KLRF2: variants seen among roughly 807,000 people sequenced by gnomAD.
The protein encoded by KLRF2 is killer cell lectin-like receptor subfamily F member 2.
In KLRF2, 28 loss-of-function variants were observed where a neutral mutation model predicts 25.3. The observed-to-expected ratio is 1.11, with a 90% CI of 0.82 to 1.52. KLRF2 has a LOEUF of 1.52. Among genes scored for constraint, KLRF2 ranks in the 40% most tolerant of loss-of-function variants. The probability of loss-of-function intolerance (pLI) is 0.00; values close to 1 mark genes in which losing one functional copy is unlikely to be tolerated. For missense variants in KLRF2, 265 were observed against 245.8 expected (o/e 1.08, Z -0.52); for synonymous variants, 73 against 85.0 (o/e 0.86, Z 0.78).
Position 9,884,948 on chromosome 12 carries a change from C to A in KLRF2, c.85C>A (p.Pro29Thr). 2.4e-6 allele frequency: 3 copies of A among 1,240,020 alleles called. No individual in the cohort carries two copies. Among genetic ancestry groups the A allele is most frequent in the Non-Finnish European group, 3.2e-6 (3 of 949,828 alleles). 76.8% of individuals were successfully genotyped at this position (1,240,020 alleles called of 1,614,324 possible). Reference sequence around the variant, plus strand: ...CAACATTTCAGATTTCTCCCTATATCCACAATATTATTGTCTTCTGCTCAT... The same window carrying A: ...CAACATTTCAGATTTCTCCCTATATACACAATATTATTGTCTTCTGCTCAT... ...KQKSKDFSLYPQYYCLLLIFG... is the reference protein window; with the variant it reads ...KQKSKDFSLYTQYYCLLLIFG... Residue 29 changes from proline (P) to threonine (T), a missense_variant, in exon 2 of 6, where the codon CCA becomes ACA. Transcript: ENST00000535540.
chr12:9,883,076 G>A (rs769159797), intron 1 of KLRF2, among the ~76,000 whole-genome samples: 3 of 151,996 alleles, frequency 2.0e-5, no homozygotes, highest in Admixed American at 6.6e-5. Flanking sequence ...AAATAAATTG[G>A]GCCAGAAAAA....
intron 1 of KLRF2, among the ~76,000 whole-genome samples, chr12:9,884,207 T>C (rs1591775765): frequency 6.6e-6 from 1 of 152,100 alleles, no homozygotes; most frequent in Non-Finnish European, 1.5e-5. Flanking sequence ...GTTTAACCTC[T>C]CTAGAGATTA....
At chr12:9,892,945 G>T in intron 3 of KLRF2, 75 bp from the exon 4 acceptor site, 1 of 1,191,490 alleles carries the variant, frequency 8.4e-7, no homozygotes, top group Non-Finnish European at 1.1e-6. Flanking sequence ...TTTCCAAGTA[G>T]TCACATTTGA....
intron 5 of KLRF2, among the ~76,000 whole-genome samples, chr12:9,894,837 A>G (rs1313969887): frequency 6.6e-6 from 1 of 152,014 alleles, no homozygotes; most frequent in Non-Finnish European, 1.5e-5. Context: ...AGTAAGATTT[A>G]TTACTAATTT....
At chr12:9,894,191 CTTTT>C (rs1186634242) in intron 5 of KLRF2, among the ~76,000 whole-genome samples, 3 of 113,918 alleles carry the variant, frequency 2.6e-5, no homozygotes, top group Admixed American at 9.6e-5. Flanking sequence ...TTCTTTCTTT[CTTTT>C]TTTTTCAGCA....
intron 3 of KLRF2, among the ~76,000 whole-genome samples, chr12:9,889,142 T>C (rs1440472184): frequency 1.3e-5 from 2 of 152,200 alleles, no homozygotes; most frequent in Admixed American, 6.5e-5. Context: ...GATAGACCTA[T>C]GTTTGAATCA....
At chr12:9,891,450 T>C (rs1355797327) in intron 3 of KLRF2, among the ~76,000 whole-genome samples, 2 of 152,222 alleles carry the variant, frequency 1.3e-5, no homozygotes, top group African/African-American at 4.8e-5. Flanking sequence ...ATTTCCATTG[T>C]GTCTGGCAGC....
intron 5 of KLRF2, among the ~76,000 whole-genome samples, chr12:9,894,229 T>TCTGTGGCTCA (rs1370645131): frequency 9.9e-5 from 15 of 151,300 alleles, no homozygotes; most frequent in Non-Finnish European, 2.2e-4. Flanking sequence ...TGGCTCAGGC[T>TCTGTGGCTCA]GGAGTGCAGT....
intron 1 of KLRF2, among the ~76,000 whole-genome samples, chr12:9,884,591 T>C (rs1328272511): frequency 6.7e-6 from 1 of 148,680 alleles, no homozygotes; most frequent in Non-Finnish European, 1.5e-5. Flanking sequence ...TATGTTTACA[T>C]TGTATATATT....
At chr12:9,892,653 C>T (rs1488311949) in intron 3 of KLRF2, among the ~76,000 whole-genome samples, 2 of 144,872 alleles carry the variant, frequency 1.4e-5, no homozygotes, top group South Asian at 4.4e-4. Context: ...GGCTCGATCA[C>T]GGCTCACCGC....
Position 9,895,744 on chromosome 12 carries a change from T to C in KLRF2, c.535T>C (p.Trp179Arg), listed in dbSNP as rs1156818859. Residue 179 changes from tryptophan to arginine, a missense_variant, in exon 6 of 6, where the codon TGG becomes CGG. By Grantham distance (101) the Trp-to-Arg change is moderately radical. Transcript: ENST00000535540. Reference protein sequence around the residue: ...DRSCAVITGNWVYSEDCSSTF... With the variant: ...DRSCAVITGNRVYSEDCSSTF... Reference sequence around the variant, plus strand: ...GAGCTGTGCCGTTATCACAGGAAACTGGGTGTATTCTGAAGACTGTAGCTC... The same window carrying C: ...GAGCTGTGCCGTTATCACAGGAAACCGGGTGTATTCTGAAGACTGTAGCTC... 2.0e-6 allele frequency: 3 copies of C among 1,535,760 alleles called. No individual in the cohort carries two copies. Among genetic ancestry groups the C allele is most frequent in the Non-Finnish European group, 2.6e-6 (3 of 1,146,788 alleles).
chr12:9,884,868 A>G (rs1868132890), intron 1 of KLRF2, 66 bp from the exon 2 acceptor site: 1 of 515,172 alleles, frequency 1.9e-6, no homozygotes, highest in Non-Finnish European at 3.3e-6. Context: ...TCTCTGTAAT[A>G]AAAATGAAAC....
chr12:9,887,577 G>A (rs1410273510), intron 2 of KLRF2, among the ~76,000 whole-genome samples: 1 of 152,148 alleles, frequency 6.6e-6, no homozygotes, highest in Non-Finnish European at 1.5e-5. Context: ...TGGATAGAAT[G>A]AAGCTAGCCC....
chr12:9,890,206 A>T (rs1006693070), intron 3 of KLRF2, among the ~76,000 whole-genome samples: 15 of 152,178 alleles, frequency 9.9e-5, no homozygotes, highest in African/African-American at 3.6e-4. Flanking sequence ...TCACAATCTC[A>T]CTATAACTCC....
intron 3 of KLRF2, among the ~76,000 whole-genome samples, chr12:9,891,482 C>G (rs1041039594): frequency 5.9e-5 from 9 of 152,122 alleles, no homozygotes; most frequent in African/African-American, 2.2e-4. Context: ...ACTTCATTGA[C>G]CAGTCTGTCA....
intron 3 of KLRF2, among the ~76,000 whole-genome samples, chr12:9,889,658 GTGTATATA>G (rs1565522531): frequency 7.1e-6 from 1 of 141,496 alleles, no homozygotes; most frequent in African/African-American, 2.9e-5. Context: ...GTGTGTGTGT[GTGTATATA>G]TATGTATATA....
At chr12:9,884,739 T>G (rs1242432800) in intron 1 of KLRF2, among the ~76,000 whole-genome samples, 195 bp from the exon 2 acceptor site, 1 of 151,258 alleles carries the variant, frequency 6.6e-6, no homozygotes, top group South Asian at 2.1e-4. Context: ...TCTATGTCAG[T>G]ACAATCCAAA....
intron 5 of KLRF2, among the ~76,000 whole-genome samples, chr12:9,894,554 G>A (rs1285312502): frequency 1.3e-5 from 2 of 152,172 alleles, no homozygotes; most frequent in African/African-American, 4.8e-5. Flanking sequence ...TGAACAACAT[G>A]AGGTGTTGCA....
At chr12:9,890,077 CCAT>C (rs1022137377) in intron 3 of KLRF2, among the ~76,000 whole-genome samples, 3 of 152,066 alleles carry the variant, frequency 2.0e-5, no homozygotes, top group African/African-American at 7.2e-5. Flanking sequence ...TGTATCTCCA[CCAT>C]CATCACTCCC....
Sources: gnomAD v4.1 joint callset for allele counts (sites outside exome capture counted in the v4.1 genomes callset) on GRCh38, gnomAD v4.1.1 for gene constraint, MANE v1.5 for transcripts, NCBI Gene and HGNC (gene_info 2026-07-23, HGNC 2026-07-21) for gene names.